The following RPA1 variants were observed in gnomAD, a reference collection of about 807,000 sequenced individuals.
RPA1 encodes the protein replication protein A 70 kDa DNA-binding subunit.
Under a neutral mutation model 83.0 loss-of-function variants are expected in RPA1, and 49 were observed. The ratio of observed to expected loss-of-function variants is 0.59; its 90% CI spans 0.47 to 0.75. The LOEUF (loss-of-function observed/expected upper bound fraction) is 0.75, where lower values mean the gene tolerates loss of function less well. RPA1 is among the 30% of genes least tolerant of loss of function. The probability of loss-of-function intolerance (pLI) is 0.00; values close to 1 mark genes in which losing one functional copy is unlikely to be tolerated. For synonymous variants in RPA1, 279 were observed against 281.8 expected, an observed-to-expected ratio of 0.99 and a Z score of 0.10; for missense variants, 693 against 776.1, an observed-to-expected ratio of 0.89 and a Z score of 1.27.
intron 5 of RPA1, chr17:1,858,400 G>T: frequency 6.3e-7 from 1 of 1,590,036 alleles, no homozygotes; most frequent in Non-Finnish European, 8.6e-7. Context: ...GCTAAAGTGG[G>T]CTCGGAGGCA....
chr17:1,856,748 T>C (rs1157842316), intron 5 of RPA1, among the ~76,000 whole-genome samples: 1 of 151,610 alleles, frequency 6.6e-6, no homozygotes, highest in African/African-American at 2.4e-5. Flanking sequence ...GCCAGGCTGG[T>C]CTCGAACTCC....
chr17:1,844,005 A>G lies in RPA1; in HGVS notation c.163+7A>G, dbSNP rs1912162465. 2.5e-6 allele frequency: 4 copies of G among 1,611,250 alleles called. No homozygotes were observed. The highest frequency in any genetic ancestry group is 3.4e-6 in the Non-Finnish European group (4 of 1,177,778). On this transcript the variant is annotated splice_region_variant and intron_variant, in intron 3 of 16. Transcript: ENST00000254719. ...GGATTGAACACTCTATCCTGTGAGT[A>G]TGGTGTATCCATCTAGAAATGTGTG...
intron 4 of RPA1, among the ~76,000 whole-genome samples, chr17:1,850,554 G>A (rs868375555): frequency 2.1e-5 from 3 of 143,492 alleles, no homozygotes; most frequent in African/African-American, 7.8e-5. Context: ...AAAAAGGATT[G>A]CCTAATAATT....
At chr17:1,865,347 T>G (rs988466602) in intron 5 of RPA1, among the ~76,000 whole-genome samples, 1 of 152,214 alleles carries the variant, frequency 6.6e-6, no homozygotes, top group Non-Finnish European at 1.5e-5. Context: ...TTTAAGTACA[T>G]AGATCGTGTG....
At chr17:1,889,667 G>T (rs754861191) in intron 14 of RPA1, among the ~76,000 whole-genome samples, 1 of 151,878 alleles carries the variant, frequency 6.6e-6, no homozygotes, top group Admixed American at 6.6e-5. Flanking sequence ...GTTTTGTTTT[G>T]TTTTCAATGA....
At chr17:1,852,871 T>TA (rs1453688918) in intron 4 of RPA1, among the ~76,000 whole-genome samples, 2 of 152,248 alleles carry the variant, frequency 1.3e-5, no homozygotes, top group Non-Finnish European at 2.9e-5. Context: ...TCCTTGAAGA[T>TA]ACGGTGCGTA....
chr17:1,887,560 A>G (rs9897729), intron 13 of RPA1, among the ~76,000 whole-genome samples: 1,630 of 142,208 alleles, frequency 0.011, 26 homozygotes, highest in African/African-American at 0.04. Context: ...TCCGTCTCAG[A>G]AAAAAAAAAA....
At chr17:1,872,708 CTTTT>C (rs34892322) in intron 6 of RPA1, among the ~76,000 whole-genome samples, 182 bp downstream of exon 6, 4 of 113,022 alleles carry the variant, frequency 3.5e-5, no homozygotes, top group Non-Finnish European at 3.6e-5. Flanking sequence ...TAAAGATTGT[CTTTT>C]TTTTTTTTTT....
chr17:1,878,160 A>AGGAG (rs17338850), intron 8 of RPA1, among the ~76,000 whole-genome samples: 4,958 of 152,250 alleles, frequency 0.033, 120 homozygotes, highest in Non-Finnish European at 0.048. Flanking sequence ...GCCTGAACCA[A>AGGAG]GGAGGTGGAG....
intron 14 of RPA1, among the ~76,000 whole-genome samples, chr17:1,891,054 A>G (rs1914184806): frequency 6.6e-6 from 1 of 152,194 alleles, no homozygotes; most frequent in African/African-American, 2.4e-5. Context: ...TCTCTCTATT[A>G]AAAGCCTTGT....
intron 1 of RPA1, among the ~76,000 whole-genome samples, chr17:1,833,160 C>CAA (rs34134288): frequency 0.2 from 31,158 of 152,038 alleles, 3,357 homozygotes; most frequent in Admixed American, 0.24. Context: ...CTCCTGGCCT[C>CAA]GAGATCCACC....
At chr17:1,870,765 C>T (rs897605415) in intron 5 of RPA1, among the ~76,000 whole-genome samples, 2 of 152,286 alleles carry the variant, frequency 1.3e-5, no homozygotes, top group African/African-American at 4.8e-5. Context: ...TGACCACATC[C>T]TTTTCAACAA....
At chr17:1,873,022 C>A (rs188789327) in intron 6 of RPA1, among the ~76,000 whole-genome samples, 101 of 152,278 alleles carry the variant, frequency 6.6e-4, no homozygotes, top group African/African-American at 2.3e-3. Flanking sequence ...TAAAAAAGAT[C>A]AAATTGATAC....
In RPA1 at chr17:1,899,553, C is replaced by CT. The variant is rs1411385309; in HGVS notation, c.*2379dup. 2.0e-4 allele frequency: 30 copies of CT among 152,314 alleles called. No homozygotes were observed. The highest frequency in any genetic ancestry group is 5.5e-4 in the African/African-American group (23 of 41,568). 9.4% of individuals were successfully genotyped at this position (152,314 alleles called of 1,614,324 possible). On this transcript the variant is annotated 3_prime_UTR_variant, in exon 17 of 17. Coordinates refer to ENST00000254719, the MANE Select transcript of RPA1 (RefSeq NM_002945.5). ...CTTTCCATTAAAACCTTGCTAATCT[C>CT]TCGCGTGCTGTTCCTTTTTTGAACT...
chr17:1,858,464 CTTTTTCT>C, intron 5 of RPA1: 2 of 1,195,790 alleles, frequency 1.7e-6, no homozygotes. Flanking sequence ...TCTGGTCTCT[CTTTTTCT>C]TTTTTTTTTT....
At chr17:1,846,556 G>T (rs1912265619) in intron 4 of RPA1, among the ~76,000 whole-genome samples, 1 of 151,914 alleles carries the variant, frequency 6.6e-6, no homozygotes, top group African/African-American at 2.4e-5. Context: ...TCCTGACCTC[G>T]TGATCCACCT....
At chr17:1,869,431 G>C (rs188661814) in intron 5 of RPA1, among the ~76,000 whole-genome samples, 7 of 152,084 alleles carry the variant, frequency 4.6e-5, no homozygotes, top group Admixed American at 4.6e-4. Context: ...CTAGCTACTC[G>C]GGAGGCTGAG....
At chr17:1,866,757 G>A (rs555290330) in intron 5 of RPA1, among the ~76,000 whole-genome samples, 50 of 152,306 alleles carry the variant, frequency 3.3e-4, no homozygotes, top group Non-Finnish European at 6.3e-4. Context: ...CGCTGTGCCC[G>A]GCCACCGTTT....
chr17:1,845,239 T>C (rs1912214585), intron 4 of RPA1, among the ~76,000 whole-genome samples: 1 of 151,512 alleles, frequency 6.6e-6, no homozygotes, highest in Non-Finnish European at 1.5e-5. Context: ...TTAGCCAATA[T>C]AGAATACATT....
Sources: allele counts gnomAD v4.1 joint callset (sites outside exome capture counted in the v4.1 genomes callset), GRCh38; gene constraint gnomAD v4.1.1; transcripts MANE v1.5; gene names NCBI Gene and HGNC (gene_info 2026-07-23, HGNC 2026-07-21).